GRID1: variants seen among roughly 807,000 people sequenced by gnomAD.
The protein encoded by GRID1 is glutamate receptor ionotropic, delta-1.
In GRID1, 28 loss-of-function variants were observed where a neutral mutation model predicts 98.0. The observed-to-expected ratio is 0.29, with a 90% CI of 0.21 to 0.39. GRID1 has a LOEUF of 0.39. Ranked by LOEUF, GRID1 falls within the 10% of genes least tolerant of loss-of-function variation. GRID1 has a pLI of 1.00. For synonymous variants in GRID1, 553 were observed against 538.5 expected, an observed-to-expected ratio of 1.03 and a Z score of -0.37; for missense variants, 1,111 against 1,340.5, an observed-to-expected ratio of 0.83 and a Z score of 2.67.
At chr10:86,293,466 A>C (rs1037831324) in intron 2 of GRID1, among the ~76,000 whole-genome samples, 1 of 152,188 alleles carries the variant, frequency 6.6e-6, no homozygotes, top group African/African-American at 2.4e-5. Flanking sequence ...ATAGAAGAAG[A>C]GCCATTTGAT....
intron 8 of GRID1, among the ~76,000 whole-genome samples, chr10:85,738,369 A>G (rs921684281): frequency 6.6e-6 from 1 of 152,222 alleles, no homozygotes; most frequent in African/African-American, 2.4e-5. Flanking sequence ...GGCTAAAATC[A>G]AAGACTGATG....
intron 2 of GRID1, among the ~76,000 whole-genome samples, chr10:86,261,466 A>T (rs190015188): frequency 6.6e-6 from 1 of 152,294 alleles, no homozygotes; most frequent in East Asian, 1.9e-4. Context: ...TGCAAGCACC[A>T]CAAGGACAGA....
At chr10:86,139,729 C>T (rs1212617090) in intron 3 of GRID1, among the ~76,000 whole-genome samples, 2 of 152,222 alleles carry the variant, frequency 1.3e-5, no homozygotes, top group African/African-American at 2.4e-5. Flanking sequence ...CAAGGAGGTA[C>T]AGAGAGAGCC....
At chr10:86,012,718 G>C (rs945929119) in intron 4 of GRID1, among the ~76,000 whole-genome samples, 2 of 151,152 alleles carry the variant, frequency 1.3e-5, no homozygotes, top group African/African-American at 4.8e-5. Flanking sequence ...AGGCTCCTGA[G>C]AGCTTTTTTA....
intron 2 of GRID1, among the ~76,000 whole-genome samples, chr10:86,239,967 AGAG>A (rs1846601513): frequency 6.6e-6 from 1 of 152,182 alleles, no homozygotes; most frequent in Admixed American, 6.5e-5. Flanking sequence ...CCTCATAAGA[AGAG>A]GAGATGAGGA....
intron 12 of GRID1, among the ~76,000 whole-genome samples, chr10:85,722,154 T>C (rs1203549873): frequency 1.3e-5 from 2 of 152,178 alleles, no homozygotes; most frequent in African/African-American, 2.4e-5. Flanking sequence ...TAGAGGCTGG[T>C]TGAGTATGGA....
intron 4 of GRID1, among the ~76,000 whole-genome samples, chr10:86,007,852 T>G (rs1277702800): frequency 1.3e-5 from 2 of 150,888 alleles, no homozygotes; most frequent in Non-Finnish European, 2.9e-5. Context: ...ATTTATTTAT[T>G]TTTGGTTAGG....
At chr10:85,802,201 T>C (rs987109905) in intron 8 of GRID1, among the ~76,000 whole-genome samples, 1 of 151,932 alleles carries the variant, frequency 6.6e-6, no homozygotes, top group African/African-American at 2.4e-5. Context: ...GAAATGCTAA[T>C]CAAAAAAGCA....
At chr10:86,129,814 A>G (rs950947921) in intron 4 of GRID1, among the ~76,000 whole-genome samples, 1 of 152,178 alleles carries the variant, frequency 6.6e-6, no homozygotes, top group Non-Finnish European at 1.5e-5. Flanking sequence ...GTGACTTTCC[A>G]GTTCCCCCCT....
intron 2 of GRID1, among the ~76,000 whole-genome samples, chr10:86,298,689 T>C (rs768452989): frequency 1.3e-5 from 2 of 152,174 alleles, no homozygotes; most frequent in Non-Finnish European, 2.9e-5. Flanking sequence ...CCTCCCTCTC[T>C]GTTTCTCAAT....
chr10:85,764,541 C>T (rs1430833404), intron 8 of GRID1, among the ~76,000 whole-genome samples: 1 of 152,128 alleles, frequency 6.6e-6, no homozygotes, highest in Non-Finnish European at 1.5e-5. Flanking sequence ...AACCCCGTGC[C>T]CTGCAGGGGT....
intron 4 of GRID1, among the ~76,000 whole-genome samples, chr10:86,018,137 C>T (rs534790845): frequency 1.3e-5 from 2 of 152,354 alleles, no homozygotes; most frequent in African/African-American, 2.4e-5. Context: ...TCCAACAGGG[C>T]AGTCTGCTCG....
chr10:85,979,878 G>T (rs140566355), intron 4 of GRID1, among the ~76,000 whole-genome samples: 1 of 152,354 alleles, frequency 6.6e-6, no homozygotes, highest in East Asian at 1.9e-4. Context: ...TTCATCTGTT[G>T]CCAAAACAAT....
intron 4 of GRID1, among the ~76,000 whole-genome samples, chr10:85,996,897 T>C (rs1293819658): frequency 6.6e-6 from 1 of 151,070 alleles, no homozygotes; most frequent in East Asian, 1.9e-4. Flanking sequence ...GCTTAAAACT[T>C]ATCAAATTTG....
chr10:85,896,457 T>C (rs1841295821), intron 5 of GRID1, among the ~76,000 whole-genome samples: 1 of 152,336 alleles, frequency 6.6e-6, no homozygotes, highest in South Asian at 2.1e-4. Context: ...ATTGTTGTGA[T>C]ACCTCAGACC....
At chr10:85,766,956 T>G (rs1366078523) in intron 8 of GRID1, among the ~76,000 whole-genome samples, 1 of 152,212 alleles carries the variant, frequency 6.6e-6, no homozygotes, top group African/African-American at 2.4e-5. Flanking sequence ...GCCCTGCCTG[T>G]GTGTAACTAG....
At chr10:85,852,291 G>A (rs1843066995) in intron 8 of GRID1, among the ~76,000 whole-genome samples, 1 of 152,158 alleles carries the variant, frequency 6.6e-6, no homozygotes, top group Non-Finnish European at 1.5e-5. Context: ...TTACATTCAG[G>A]CCTCCTGCTC....
At chr10:85,983,985 C>G (rs1842577709) in intron 4 of GRID1, among the ~76,000 whole-genome samples, 1 of 152,146 alleles carries the variant, frequency 6.6e-6, no homozygotes, top group Non-Finnish European at 1.5e-5. Context: ...TCCTTCCCTG[C>G]TCCTCCATCT....
intron 4 of GRID1, among the ~76,000 whole-genome samples, chr10:86,001,997 G>A (rs1328789229): frequency 6.6e-6 from 1 of 151,978 alleles, no homozygotes; most frequent in Non-Finnish European, 1.5e-5. Flanking sequence ...TCTTCACATG[G>A]CCACCTCTCT....
Sources: allele counts gnomAD v4.1 joint callset (sites outside exome capture counted in the v4.1 genomes callset), GRCh38; gene constraint gnomAD v4.1.1; transcripts MANE v1.5; gene names NCBI Gene and HGNC (gene_info 2026-07-23, HGNC 2026-07-21).